DPYD: variants seen among roughly 807,000 people sequenced by gnomAD.
The protein encoded by DPYD is dihydropyrimidine dehydrogenase [NADP(+)].
In DPYD, 109 loss-of-function variants were observed where a neutral mutation model predicts 116.2. That is an observed-to-expected ratio of 0.94 (90% CI 0.80 to 1.10). The LOEUF is 1.10. Among genes scored for constraint, DPYD ranks in the 50% least tolerant of loss-of-function variants. DPYD has a pLI of 0.00. For missense variants in DPYD, 1,302 were observed against 1,254.5 expected (o/e 1.04, Z -0.57); for synonymous variants, 440 against 432.0 (o/e 1.02, Z -0.23).
At chr1:97,771,195 G>A (rs577999706) in intron 3 of DPYD, among the ~76,000 whole-genome samples, 1 of 152,256 alleles carries the variant, frequency 6.6e-6, no homozygotes, top group Non-Finnish European at 1.5e-5. Context: ...GGTGGCATGC[G>A]CCAGGGGGTA....
At chr1:97,341,693 G>T (rs1220794815) in intron 16 of DPYD, among the ~76,000 whole-genome samples, 2 of 152,128 alleles carry the variant, frequency 1.3e-5, no homozygotes, top group Non-Finnish European at 2.9e-5. Flanking sequence ...TGACTTTCTG[G>T]TCAGCCATTT....
chr1:97,730,991 A>G (rs1220360061), intron 4 of DPYD, among the ~76,000 whole-genome samples: 1 of 152,118 alleles, frequency 6.6e-6, no homozygotes, highest in Non-Finnish European at 1.5e-5. Flanking sequence ...TTGAAAGGTG[A>G]AGATTATTAA....
chr1:97,503,469 G>A (rs969127007), intron 13 of DPYD, among the ~76,000 whole-genome samples: 2 of 152,000 alleles, frequency 1.3e-5, no homozygotes, highest in African/African-American at 4.8e-5. Context: ...GCCAATGACT[G>A]AGCAGGGCAG....
At chr1:97,232,807 A>G (rs1661665823) in intron 19 of DPYD, among the ~76,000 whole-genome samples, 1 of 152,040 alleles carries the variant, frequency 6.6e-6, no homozygotes, top group Non-Finnish European at 1.5e-5. Flanking sequence ...ATTTGTTTCA[A>G]TCATACTTGT....
intron 14 of DPYD, among the ~76,000 whole-genome samples, chr1:97,442,098 C>G (rs954201666): frequency 2.0e-5 from 3 of 152,068 alleles, no homozygotes; most frequent in African/African-American, 7.2e-5. Flanking sequence ...ATGAGCTGAT[C>G]TGTACTCAGT....
chr1:97,525,047 T>C (rs928844133), intron 12 of DPYD, among the ~76,000 whole-genome samples: 3 of 152,162 alleles, frequency 2.0e-5, no homozygotes, highest in Non-Finnish European at 2.9e-5. Flanking sequence ...TTACAGCCAG[T>C]CTGTCAGAAA....
At chr1:97,806,883 C>T (rs1668100624) in intron 3 of DPYD, among the ~76,000 whole-genome samples, 1 of 151,912 alleles carries the variant, frequency 6.6e-6, no homozygotes, top group South Asian at 2.1e-4. Flanking sequence ...TTTGCCTTTT[C>T]CAGGATGTCA....
intron 13 of DPYD, among the ~76,000 whole-genome samples, chr1:97,477,868 C>T (rs561659479): frequency 6.6e-6 from 1 of 152,218 alleles, no homozygotes; most frequent in African/African-American, 2.4e-5. Flanking sequence ...GATCCACCCG[C>T]CTCGGCCTCC....
intron 2 of DPYD, among the ~76,000 whole-genome samples, chr1:97,829,755 CT>C (rs1047663808): frequency 8.8e-5 from 13 of 148,216 alleles, no homozygotes; most frequent in East Asian, 2.0e-4. Context: ...TTTTTTATTT[CT>C]TTTTTTTTTA....
intron 3 of DPYD, among the ~76,000 whole-genome samples, chr1:97,771,845 A>C (rs1033832945): frequency 6.6e-6 from 1 of 152,180 alleles, no homozygotes; most frequent in Non-Finnish European, 1.5e-5. Context: ...GCTTGATTAC[A>C]TAGTCTAATA....
intron 8 of DPYD, among the ~76,000 whole-genome samples, chr1:97,659,417 AGTG>A (rs975340471): frequency 9.2e-5 from 14 of 152,186 alleles, no homozygotes; most frequent in Non-Finnish European, 2.1e-4. Flanking sequence ...TTTGTATAAG[AGTG>A]GTATCAGCTC....
chr1:97,570,505 A>G (rs998233683), intron 11 of DPYD, among the ~76,000 whole-genome samples: 1 of 151,996 alleles, frequency 6.6e-6, no homozygotes, highest in African/African-American at 2.4e-5. Flanking sequence ...CAGAATGTAT[A>G]TAAGGCCATT....
At chr1:97,796,958 T>C (rs893987388) in intron 3 of DPYD, 4 of 152,212 alleles carry the variant, frequency 2.6e-5, no homozygotes, top group Non-Finnish European at 4.4e-5. Context: ...AAAGCTTCTA[T>C]CTAAATACAC....
At chr1:97,902,439 G>T (rs1673415205) in intron 1 of DPYD, among the ~76,000 whole-genome samples, 1 of 151,834 alleles carries the variant, frequency 6.6e-6, no homozygotes, top group Non-Finnish European at 1.5e-5. Flanking sequence ...AGAGGCATAA[G>T]AGGTCAGAAG....
At chr1:97,823,863 T>TG (rs1669093203) in intron 3 of DPYD, among the ~76,000 whole-genome samples, 1 of 64,540 alleles carries the variant, frequency 1.5e-5, no homozygotes. Flanking sequence ...GACTACAAAG[T>TG]CTTTTTTTTT....
intron 12 of DPYD, among the ~76,000 whole-genome samples, chr1:97,536,657 C>A (rs948133058): frequency 6.6e-6 from 1 of 152,198 alleles, no homozygotes; most frequent in African/African-American, 2.4e-5. Context: ...AAATCCTTTG[C>A]CTGGCTAGGA....
intron 13 of DPYD, among the ~76,000 whole-genome samples, chr1:97,476,064 T>C (rs1235982436): frequency 1.3e-5 from 2 of 152,148 alleles, no homozygotes; most frequent in African/African-American, 2.4e-5. Flanking sequence ...CCAGAGCCGA[T>C]GGTTTCCCTA....
rs1238905562 is a variant in DPYD at position 97,291,134 on chromosome 1, G to A, written c.2299+14125C>T. Among the ~76,000 whole-genome samples, 2 of 152,172 alleles carry A rather than the reference G, an allele frequency of 1.3e-5. 1 individual carries two copies. Reference sequence around the variant, plus strand: ...GAGAAATGCAAATCAAAACCACAATGATATACCATCTCACACCAGTTAGAA... The same window carrying A: ...GAGAAATGCAAATCAAAACCACAATAATATACCATCTCACACCAGTTAGAA... On this transcript the variant is annotated intron_variant, in intron 18 of 22. Transcript: ENST00000370192.
In DPYD at chr1:97,097,866, A is replaced by G. The variant is rs569562532; in HGVS notation, c.2766+623T>C. Among the ~76,000 whole-genome samples the G allele has an allele frequency of 2.0e-5, 3 of 152,284 alleles. No homozygotes were observed. In the East Asian group the frequency reaches 5.8e-4, roughly 29 times the overall value. Reference sequence around the variant, plus strand: ...CAACATGCAAAACAGGTGAAACTGGATAAAGGGTACACAAGACCTCTCTGT... The same window carrying G: ...CAACATGCAAAACAGGTGAAACTGGGTAAAGGGTACACAAGACCTCTCTGT... On this transcript the variant is annotated intron_variant, in intron 21 of 22. Coordinates refer to ENST00000370192, the MANE Select transcript of DPYD (RefSeq NM_000110.4).
Sources: allele counts gnomAD v4.1 joint callset (sites outside exome capture counted in the v4.1 genomes callset), GRCh38; gene constraint gnomAD v4.1.1; transcripts MANE v1.5; gene names NCBI Gene and HGNC (gene_info 2026-07-23, HGNC 2026-07-21).